Variants in UNC5C observed in about 807,000 individuals in gnomAD.
UNC5C encodes unc-5 netrin receptor C.
A neutral mutation model predicts 99.8 loss-of-function variants in UNC5C; 47 were observed. The observed-to-expected ratio is 0.47, with a 90% CI of 0.37 to 0.60. The LOEUF (loss-of-function observed/expected upper bound fraction) is 0.60. Among genes scored for constraint, UNC5C ranks in the 20% least tolerant of loss-of-function variants. The pLI is 0.00. For synonymous variants in UNC5C, 487 were observed against 452.2 expected (o/e 1.08, Z -0.98); for missense variants, 1,062 against 1,165.9 (o/e 0.91, Z 1.30).
At chr4:95,274,930 G>A (rs6827752) in intron 4 of UNC5C, among the ~76,000 whole-genome samples, 76,934 of 151,816 alleles carry the variant, frequency 0.51, 19,693 homozygotes, top group East Asian at 0.58. Flanking sequence ...GAAGGCTGAG[G>A]CATGAGAATT....
At chr4:95,345,060 T>G (rs1743719865) in intron 1 of UNC5C, among the ~76,000 whole-genome samples, 1 of 151,506 alleles carries the variant, frequency 6.6e-6, no homozygotes, top group African/African-American at 2.4e-5. Flanking sequence ...ACTGAATGGA[T>G]TATAAAACAA....
At chr4:95,426,004 A>G (rs531122317) in intron 1 of UNC5C, among the ~76,000 whole-genome samples, 5 of 152,270 alleles carry the variant, frequency 3.3e-5, no homozygotes, top group Admixed American at 3.3e-4. Context: ...CACCTCCAAA[A>G]GAAGTTAGAA....
intron 2 of UNC5C, among the ~76,000 whole-genome samples, chr4:95,307,140 C>A (rs904039188): frequency 6.6e-6 from 1 of 152,014 alleles, no homozygotes; most frequent in African/African-American, 2.4e-5. Flanking sequence ...GGCAGAATTT[C>A]AGAATCAAGA....
chr4:95,479,729 TA>T (rs1721079177), intron 1 of UNC5C, among the ~76,000 whole-genome samples: 1 of 152,028 alleles, frequency 6.6e-6, no homozygotes, highest in African/African-American at 2.4e-5. Context: ...AAAAGGAATT[TA>T]TTTTTCATGA....
intron 1 of UNC5C, among the ~76,000 whole-genome samples, chr4:95,508,310 T>C (rs907778095): frequency 6.6e-6 from 1 of 152,046 alleles, no homozygotes; most frequent in Non-Finnish European, 1.5e-5. Flanking sequence ...AATGAGTTAA[T>C]ACAGGGAAAG....
At chr4:95,309,460 C>T (rs374608487) in intron 2 of UNC5C, among the ~76,000 whole-genome samples, 6 of 151,910 alleles carry the variant, frequency 3.9e-5, no homozygotes, top group South Asian at 2.1e-4. Flanking sequence ...AAAGCTTCTG[C>T]ACAGCAAGGA....
intron 1 of UNC5C, among the ~76,000 whole-genome samples, chr4:95,487,298 A>G (rs1249116732): frequency 6.6e-6 from 1 of 151,812 alleles, no homozygotes; most frequent in Non-Finnish European, 1.5e-5. Flanking sequence ...AAAGGAGTGC[A>G]TAAATAGTTA....
rs146713606 is a variant in UNC5C at position 95,514,238 on chromosome 4, T to C, written c.124+34496A>G. On this transcript the variant is annotated intron_variant, in intron 1 of 15. Transcript: ENST00000453304. Reference sequence around the variant, plus strand: ...ATAAGCTTGACTGGTTAAGGAATAGTAACAAAATTTGTATTTATATTTAAA... The same window carrying C: ...ATAAGCTTGACTGGTTAAGGAATAGCAACAAAATTTGTATTTATATTTAAA... 1.4e-4 allele frequency among the ~76,000 whole-genome samples: 21 copies of C among 152,330 alleles called. No individual in the cohort carries two copies. In the East Asian group the frequency reaches 3.3e-3, roughly 24 times the overall value.
At chr4:95,481,496 T>A (rs1206635223) in intron 1 of UNC5C, among the ~76,000 whole-genome samples, 4 of 151,824 alleles carry the variant, frequency 2.6e-5, no homozygotes, top group Admixed American at 2.0e-4. Context: ...CTTCACAGAA[T>A]TGGAAAAAAC....
intron 2 of UNC5C, among the ~76,000 whole-genome samples, chr4:95,320,518 C>T (rs1365852622): frequency 6.6e-6 from 1 of 151,326 alleles, no homozygotes; most frequent in Non-Finnish European, 1.5e-5. Context: ...TTAAAAAGTA[C>T]AATATGGCTT....
At chr4:95,548,484 G>A (rs1186320126) in intron 1 of UNC5C, among the ~76,000 whole-genome samples, 1 of 152,006 alleles carries the variant, frequency 6.6e-6, no homozygotes, top group Non-Finnish European at 1.5e-5. Context: ...GATCGGCTGC[G>A]TGTCCACACC....
intron 1 of UNC5C, among the ~76,000 whole-genome samples, chr4:95,453,014 A>C (rs1026766987): frequency 2.2e-4 from 34 of 152,092 alleles, no homozygotes; most frequent in African/African-American, 8.0e-4. Context: ...ATTTCCTACT[A>C]TTCCATGCAA....
chr4:95,494,275 A>C (rs1361085065), intron 1 of UNC5C, among the ~76,000 whole-genome samples: 1 of 151,582 alleles, frequency 6.6e-6, no homozygotes, highest in African/African-American at 2.4e-5. Context: ...CAAGCCATTT[A>C]AAATACAATA....
chr4:95,284,943 C>G (rs1741181727), intron 3 of UNC5C, among the ~76,000 whole-genome samples: 1 of 152,112 alleles, frequency 6.6e-6, no homozygotes, highest in Non-Finnish European at 1.5e-5. Flanking sequence ...AGTGGAGGCT[C>G]TATTGTCATG....
chr4:95,172,156 T>C (rs542709154), intron 14 of UNC5C, among the ~76,000 whole-genome samples: 1 of 149,676 alleles, frequency 6.7e-6, no homozygotes, highest in African/African-American at 2.4e-5. Context: ...GTCAGATGAG[T>C]AGGTTGCGAA....
intron 1 of UNC5C, among the ~76,000 whole-genome samples, chr4:95,356,226 A>AAAAAAAC (rs1371053400): frequency 2.8e-5 from 4 of 144,714 alleles, no homozygotes; most frequent in Admixed American, 7.1e-5. Flanking sequence ...AACAAAAAAA[A>AAAAAAAC]AACAGATTCC....
rs1279506472 is a variant in UNC5C at position 95,170,114 on chromosome 4, T to A, written c.2630+40A>T. 11 of 1,599,922 alleles carry A rather than the reference T, an allele frequency of 6.9e-6. No homozygotes were observed. In the Admixed American group the frequency reaches 1.5e-4, roughly 22 times the overall value. ...AATAGTTATCGGTCCTGGAGGGCAC[T>A]AACAGAAAGAAGCTAGTCTTGGGGC... On this transcript the variant is annotated intron_variant, in intron 15 of 15. Coordinates refer to ENST00000453304, the MANE Select transcript of UNC5C (RefSeq NM_003728.4).
chr4:95,172,255 T>G (rs1187236133), intron 14 of UNC5C, among the ~76,000 whole-genome samples: 1 of 151,908 alleles, frequency 6.6e-6, no homozygotes, highest in African/African-American at 2.4e-5. Context: ...GAGATCCCAT[T>G]TGTCAATTTT....
At chr4:95,364,824 T>G (rs1560805634) in intron 1 of UNC5C, among the ~76,000 whole-genome samples, 1 of 152,158 alleles carries the variant, frequency 6.6e-6, no homozygotes, top group Non-Finnish European at 1.5e-5. Flanking sequence ...TTATCATCAT[T>G]GCCTTATTTT....
Sources: allele counts gnomAD v4.1 joint callset (sites outside exome capture counted in the v4.1 genomes callset), GRCh38; gene constraint gnomAD v4.1.1; transcripts MANE v1.5; gene names NCBI Gene and HGNC (gene_info 2026-07-23, HGNC 2026-07-21).